The following BTN2A1 variants were observed in gnomAD, a reference collection of about 807,000 sequenced individuals.
BTN2A1 encodes the protein butyrophilin subfamily 2 member A1.
In BTN2A1, 41 loss-of-function variants were observed where a neutral mutation model predicts 34.5. The ratio of observed to expected loss-of-function variants is 1.19; its 90% CI spans 0.93 to 1.54. BTN2A1 has a LOEUF of 1.54. Ranked by LOEUF, BTN2A1 falls within the 40% of genes most tolerant of loss-of-function variation. The pLI is 0.00. For synonymous variants in BTN2A1, 267 were observed against 258.6 expected (o/e 1.03, Z -0.31); for missense variants, 642 against 662.0 (o/e 0.97, Z 0.33).
chr6:26,474,449 A>G (rs955771389), downstream of BTN2A1, among the ~76,000 whole-genome samples: 1 of 152,238 alleles, frequency 6.6e-6, no homozygotes, highest in Non-Finnish European at 1.5e-5. Flanking sequence ...TAATTTGTCT[A>G]AAGTTTTTAT....
Position 26,468,518 on chromosome 6 carries a change from T to C in BTN2A1, c.1553T>C (p.Leu518Pro). The change falls in exon 8 of 8, where the codon CTT becomes CCT. Residue 518 changes from leucine to proline, a missense_variant. Physicochemically the swap from Leu to Pro is moderately conservative, Grantham distance 98 (BLOSUM62 -3). Coordinates refer to ENST00000312541, the MANE Select transcript of BTN2A1 (RefSeq NM_007049.5). ...GVTVPEEGLT[L>P]HRVGTHQSL ...ACGGTGCCTGAAGAGGGCCTGACAC[T>C]TCACAGAGTGGGGACCCACCAGAGC... 1 of 1,614,144 alleles carries C rather than the reference T, an allele frequency of 6.2e-7. No individual in the cohort carries two copies. Among genetic ancestry groups the C allele is most frequent in the South Asian group, 1.1e-5 (1 of 91,080 alleles).
chr6:26,476,166 T>C, exon 8 of BTN2A1: 1 of 1,536,556 alleles, frequency 6.5e-7, no homozygotes, highest in Non-Finnish European at 8.7e-7. Context: ...CTTAGGGTGG[T>C]GAGTGGGTGC....
In BTN2A1 at chr6:26,465,984, C is replaced by G; in HGVS notation, c.955+11C>G. ...TTCAAGAAGAATTGCGTAAGTTTAG[C>G]CTTTCCTTAACTACATGTACAATTT... On this transcript the variant is annotated intron_variant, in intron 6 of 7. Transcript: ENST00000312541. 1.6e-5 allele frequency: 26 copies of G among 1,614,228 alleles called. No homozygotes were observed. The highest frequency in any genetic ancestry group is 1.9e-5 in the Non-Finnish European group (22 of 1,180,024).
intron 3 of BTN2A1, chr6:26,462,662 ACCT>A (rs1224614420): frequency 7.1e-6 from 3 of 419,804 alleles, no homozygotes; most frequent in Non-Finnish European, 1.3e-5. Context: ...AAAAACCATC[ACCT>A]CCTATGGGTG....
Position 26,468,461 on chromosome 6 carries a change from T to G in BTN2A1, c.1496T>G (p.Ile499Ser). 1 of 1,614,128 alleles carries G rather than the reference T, an allele frequency of 6.2e-7. No individual in the cohort carries two copies. The highest frequency in any genetic ancestry group is 8.5e-7 in the Non-Finnish European group (1 of 1,180,018). Residue 499 changes from isoleucine (I) to serine (S), a missense_variant, in exon 8 of 8, where the codon ATC becomes AGC. By Grantham distance (142) the Ile-to-Ser change is moderately radical. Coordinates refer to ENST00000312541, the MANE Select transcript of BTN2A1 (RefSeq NM_007049.5). The part of the protein sequence containing the change: ...RLGCEDSPIF[I>S]CPALTGANGV... ...GGGTGTGAGGACAGCCCCATCTTCA[T>G]CTGCCCTGCACTCACAGGAGCCAAT...
In BTN2A1 at chr6:26,459,750, C is replaced by T; in HGVS notation, c.352C>T (p.Gln118Ter). The change falls in exon 3 of 8, where the codon CAG (glutamine) becomes TAG (stop). Residue 118 changes from glutamine (Q) to a stop codon, truncating the protein, a stop_gained. Coordinates refer to ENST00000312541, the MANE Select transcript of BTN2A1 (RefSeq NM_007049.5). LOFTEE classifies it high-confidence loss of function. ...VALVIHNITA[Q>*]ENGTYRCYFQ... ...CCTGGTCATACACAACATCACAGCC[C>T]AGGAAAACGGCACCTACCGCTGTTA... The T allele has an allele frequency of 6.2e-7, 1 of 1,614,116 alleles. No individual in the cohort carries two copies. Among genetic ancestry groups the T allele is most frequent in the Non-Finnish European group, 8.5e-7 (1 of 1,180,000 alleles).
chr6:26,464,106 A>G (rs1039553056), intron 4 of BTN2A1, among the ~76,000 whole-genome samples: 1 of 152,026 alleles, frequency 6.6e-6, no homozygotes, highest in Non-Finnish European at 1.5e-5. Flanking sequence ...CCGGCCAGCA[A>G]TTTTTAGACA....
intron 2 of BTN2A1, among the ~76,000 whole-genome samples, 168 bp from the exon 3 acceptor site, chr6:26,459,313 C>T (rs1581665888): frequency 6.6e-6 from 1 of 152,172 alleles, no homozygotes. Flanking sequence ...TTACTGCTCC[C>T]AGGGGTGCTG....
At chr6:26,465,004 C>A (rs1487272103) in intron 4 of BTN2A1, among the ~76,000 whole-genome samples, 181 bp from the exon 5 acceptor site, 1 of 152,190 alleles carries the variant, frequency 6.6e-6, no homozygotes, top group African/African-American at 2.4e-5. Context: ...TGGGCCTTGG[C>A]CCTGGAAGCC....
In BTN2A1 at chr6:26,468,756, T is replaced by G. The variant is rs778960918; in HGVS notation, c.*207T>G. 1.9e-6 allele frequency: 3 copies of G among 1,608,988 alleles called. No individual in the cohort carries two copies. In the South Asian group the frequency reaches 3.3e-5, roughly 18 times the overall value. On this transcript the variant is annotated 3_prime_UTR_variant, in exon 8 of 8. Transcript: ENST00000312541. ...GTGTTTTTAGTAGTTCCTTTGCTTG[T>G]AACTATGGGATGGGATCCAGGCATA...
intron 2 of BTN2A1, 106 bp from the exon 3 acceptor site, chr6:26,459,369 GACCCTA>G: frequency 8.3e-7 from 1 of 1,201,312 alleles, no homozygotes; most frequent in Non-Finnish European, 1.2e-6. Context: ...AGCCCAAAGA[GACCCTA>G]TGGCCATGGA....
At chr6:26,471,595 C>G (rs1263610429), downstream of BTN2A1, among the ~76,000 whole-genome samples, 5 of 151,766 alleles carry the variant, frequency 3.3e-5, no homozygotes, top group Non-Finnish European at 5.9e-5. Context: ...TTGCAGTGCA[C>G]CACTGCACTC....
Position 26,468,057 on chromosome 6 carries a change from C to G in BTN2A1, c.1092C>G (p.Asp364Glu). Residue 364 changes from aspartate to glutamate, a missense_variant, in exon 8 of 8, where the codon GAC (aspartate) becomes GAG (glutamate). Transcript: ENST00000312541. ...GGCACCTAGGGGAGAGCGTGCCTGA[C>G]AACCCAGAGAGATTCGACAGTCAGC... ...PFRHLGESVPDNPERFDSQPC... is the reference protein window; with the variant it reads ...PFRHLGESVPENPERFDSQPC... 5.0e-6 allele frequency: 8 copies of G among 1,614,204 alleles called. No homozygotes were observed. Among genetic ancestry groups the G allele is most frequent in the Non-Finnish European group, 6.8e-6 (8 of 1,180,044 alleles).
intron 7 of BTN2A1, chr6:26,467,622 T>C (rs1763350140): frequency 1.5e-6 from 2 of 1,319,748 alleles, no homozygotes; most frequent in Admixed American, 2.6e-5. Flanking sequence ...AGAGATCATA[T>C]GTCTTGGATA....
exon 8 of BTN2A1, chr6:26,476,452 C>T: frequency 3.1e-6 from 2 of 639,396 alleles, no homozygotes; most frequent in East Asian, 6.6e-5. Flanking sequence ...AAGCTGGTTT[C>T]AGATAGGTCT....
chr6:26,468,195 AG>A lies in BTN2A1; in HGVS notation c.1234del (p.Glu412ArgfsTer4). 1.9e-6 allele frequency: 3 copies of A among 1,614,130 alleles called. No homozygotes were observed. The highest frequency in any genetic ancestry group is 2.5e-6 in the Non-Finnish European group (3 of 1,180,016). The part of the protein sequence containing the change: ...GVCRDSVERK[G>X]EVLLIPQNGF... ...TCTGTAGAGACAGTGTTGAGAGGAA[AG>A]GGGAGGTCCTGCTGATTCCTCAGAA... On this transcript the variant is annotated frameshift_variant, in exon 8 of 8. Transcript: ENST00000312541. LOFTEE classifies it low-confidence loss of function (END_TRUNC).
intron 2 of BTN2A1, among the ~76,000 whole-genome samples, chr6:26,459,012 A>G (rs1763087472): frequency 1.3e-5 from 2 of 152,214 alleles, no homozygotes; most frequent in Admixed American, 1.3e-4. Flanking sequence ...CAAATAATCA[A>G]ATACGAATAT....
intron 6 of BTN2A1, 23 bp downstream of exon 6, chr6:26,465,996 TACATGTA>T: frequency 6.2e-7 from 1 of 1,614,238 alleles, no homozygotes; most frequent in Non-Finnish European, 8.5e-7. Context: ...TTTCCTTAAC[TACATGTA>T]CAATTTGAGT....
At chr6:26,471,743 A>G (rs1342458722), downstream of BTN2A1, among the ~76,000 whole-genome samples, 1 of 152,212 alleles carries the variant, frequency 6.6e-6, no homozygotes, top group Non-Finnish European at 1.5e-5. Flanking sequence ...ACGGAGAGAC[A>G]AGGAGCAAGA....
Sources: gnomAD v4.1 joint callset for allele counts (sites outside exome capture counted in the v4.1 genomes callset) on GRCh38, gnomAD v4.1.1 for gene constraint, MANE v1.5 for transcripts, NCBI Gene and HGNC (gene_info 2026-07-23, HGNC 2026-07-21) for gene names.